ADARB2: variants seen among roughly 807,000 people sequenced by gnomAD.
The protein encoded by ADARB2 is adenosine deaminase RNA specific B2 (inactive), also known as inactive double-stranded RNA-specific editase B2.
A neutral mutation model predicts 62.2 loss-of-function variants in ADARB2; 25 were observed. The observed-to-expected ratio is 0.40, with a 90% CI of 0.29 to 0.56. The LOEUF is 0.56. Among genes scored for constraint, ADARB2 ranks in the 20% least tolerant of loss-of-function variants. The pLI is 0.43. For synonymous variants in ADARB2, 572 were observed against 500.8 expected (o/e 1.14, Z -1.90); for missense variants, 1,071 against 1,077.4 (o/e 0.99, Z 0.08).
At chr10:1,728,747 G>A (rs769364907) in intron 1 of ADARB2, among the ~76,000 whole-genome samples, 4 of 152,210 alleles carry the variant, frequency 2.6e-5, no homozygotes, top group African/African-American at 4.8e-5. Context: ...CTGCAGGTCA[G>A]TCAGTGCTGA....
chr10:1,474,293 C>G (rs1170956291), intron 1 of ADARB2, among the ~76,000 whole-genome samples: 1 of 152,214 alleles, frequency 6.6e-6, no homozygotes, highest in African/African-American at 2.4e-5. Flanking sequence ...TCCCGGCCCT[C>G]TGGGACGGCA....
At chr10:1,627,153 G>A (rs1833781270) in intron 1 of ADARB2, among the ~76,000 whole-genome samples, 1 of 152,108 alleles carries the variant, frequency 6.6e-6, no homozygotes, top group Non-Finnish European at 1.5e-5. Context: ...CTCGAGCACC[G>A]AGACTGAGAC....
rs1832634331 is a variant in ADARB2, at chr10:1,398,398, T to G, written c.101-19238A>C. Among the ~76,000 whole-genome samples, 1 of 152,216 alleles carries G rather than the reference T, an allele frequency of 6.6e-6. No homozygotes were observed. The highest frequency in any genetic ancestry group is 2.1e-4 in the South Asian group (1 of 4,830). On this transcript the variant is annotated intron_variant, in intron 1 of 9. Transcript: ENST00000381312. The surrounding 1 kb of genome is among the most constrained non-coding windows in gnomAD (Gnocchi z 4.1). ...TGAGCGCTCCTCGGGACATCTGGCC[T>G]TTCACCTGTGCATGGTTGGGAGGGA... is the stretch of plus-strand genomic sequence containing the variant.
At chr10:1,729,343 T>C (rs1835204131) in intron 1 of ADARB2, among the ~76,000 whole-genome samples, 1 of 152,224 alleles carries the variant, frequency 6.6e-6, no homozygotes. Context: ...TACATTTCTG[T>C]CCTCAGTCCT....
intron 1 of ADARB2, among the ~76,000 whole-genome samples, chr10:1,618,403 A>G (rs1162472258): frequency 6.6e-6 from 1 of 152,224 alleles, no homozygotes; most frequent in Non-Finnish European, 1.5e-5. Flanking sequence ...GATGAATGAG[A>G]AGATTCTACC....
intron 1 of ADARB2, among the ~76,000 whole-genome samples, chr10:1,661,887 C>T (rs1389182588): frequency 2.6e-5 from 4 of 152,136 alleles, no homozygotes; most frequent in Admixed American, 6.5e-5. Flanking sequence ...TCTACGGAAC[C>T]GCACTGCTGC....
At chr10:1,689,877 T>C (rs531766405) in intron 1 of ADARB2, among the ~76,000 whole-genome samples, 1 of 152,348 alleles carries the variant, frequency 6.6e-6, no homozygotes, top group Admixed American at 6.5e-5. Context: ...TACAGTTACG[T>C]AGGGGTCTCT....
At chr10:1,675,130 T>C (rs1258197279) in intron 1 of ADARB2, 26 of 983,642 alleles carry the variant, frequency 2.6e-5, no homozygotes, top group Non-Finnish European at 3.1e-5. Context: ...TACATGGATG[T>C]TCTGGAGGTT....
chr10:1,228,987 A>G (rs1342088430), intron 6 of ADARB2, among the ~76,000 whole-genome samples: 1 of 152,196 alleles, frequency 6.6e-6, no homozygotes, highest in African/African-American at 2.4e-5. Flanking sequence ...CCCCGAATGC[A>G]TCAGAATCTC....
At chr10:1,665,867 C>A (rs1834310034) in intron 1 of ADARB2, among the ~76,000 whole-genome samples, 1 of 152,168 alleles carries the variant, frequency 6.6e-6, no homozygotes, top group Admixed American at 6.5e-5. Flanking sequence ...TCAGGGCTCA[C>A]CAGAGGCCTC....
intron 1 of ADARB2, among the ~76,000 whole-genome samples, chr10:1,587,338 C>A (rs1046083264): frequency 6.6e-6 from 1 of 152,162 alleles, no homozygotes; most frequent in African/African-American, 2.4e-5. Context: ...CAAAGGGGAA[C>A]GGCTGAGGTT....
chr10:1,471,536 A>G (rs1390101270), intron 1 of ADARB2, among the ~76,000 whole-genome samples: 1 of 152,120 alleles, frequency 6.6e-6, no homozygotes, highest in Non-Finnish European at 1.5e-5. Flanking sequence ...GATTACAGGC[A>G]TACGCCACCA....
intron 1 of ADARB2, among the ~76,000 whole-genome samples, chr10:1,707,422 GT>G (rs1381588532): frequency 5.9e-5 from 9 of 152,240 alleles, no homozygotes; most frequent in African/African-American, 1.9e-4. Context: ...GATTTGTAGC[GT>G]CTTTGGCCAG....
chr10:1,722,608 A>T (rs1322413674), intron 1 of ADARB2, among the ~76,000 whole-genome samples: 1 of 152,136 alleles, frequency 6.6e-6, no homozygotes, highest in Non-Finnish European at 1.5e-5. Context: ...GCTGTATTTC[A>T]TTCCGTTTCT....
At chr10:1,447,210 C>T (rs534070378) in intron 1 of ADARB2, among the ~76,000 whole-genome samples, 1 of 152,204 alleles carries the variant, frequency 6.6e-6, no homozygotes, top group Admixed American at 6.5e-5. Context: ...TAGCTAGCAG[C>T]GCTTTATAAC....
At chr10:1,219,216 T>G (rs1271848095) in intron 6 of ADARB2, among the ~76,000 whole-genome samples, 1 of 152,156 alleles carries the variant, frequency 6.6e-6, no homozygotes, top group African/African-American at 2.4e-5. Context: ...TCAAGCCAAT[T>G]AAACCTCTTT....
At position 1,477,347 on chromosome 10, in the gene ADARB2, T is replaced by C. The variant is rs919557750; in HGVS notation, c.101-98187A>G. Among the ~76,000 whole-genome samples the C allele has an allele frequency of 2.0e-5, 3 of 152,044 alleles. No individual in the cohort carries two copies. The highest frequency in any genetic ancestry group is 4.4e-5 in the Non-Finnish European group (3 of 67,998). Reference sequence around the variant, plus strand: ...GCTGGCATGACATGCTGTTCCCAAATACCTCACTCCACAAGTAGCCCCAGC... The same window carrying C: ...GCTGGCATGACATGCTGTTCCCAAACACCTCACTCCACAAGTAGCCCCAGC... On this transcript the variant is annotated intron_variant, in intron 1 of 9. Transcript: ENST00000381312. The surrounding 1 kb of genome is among the most constrained non-coding windows in gnomAD (Gnocchi z 4.5).
intron 1 of ADARB2, among the ~76,000 whole-genome samples, chr10:1,520,366 A>T (rs780721604): frequency 1.3e-5 from 2 of 152,232 alleles, no homozygotes; most frequent in African/African-American, 4.8e-5. Flanking sequence ...AGAAGCACTT[A>T]TATCTGGCTG....
chr10:1,201,021 AGG>A (rs1417722072), intron 7 of ADARB2, among the ~76,000 whole-genome samples: 1 of 152,262 alleles, frequency 6.6e-6, no homozygotes, highest in Admixed American at 6.5e-5. Flanking sequence ...CAATTAACAC[AGG>A]ATTCTTTCCA....
Sources: allele counts gnomAD v4.1 joint callset (sites outside exome capture counted in the v4.1 genomes callset), GRCh38; gene constraint gnomAD v4.1.1; non-coding constraint Gnocchi (gnomAD v3.1); transcripts MANE v1.5; gene names NCBI Gene and HGNC (gene_info 2026-07-23, HGNC 2026-07-21).